The following PTPRG variants were observed in gnomAD, a reference collection of about 807,000 sequenced individuals.
PTPRG encodes protein tyrosine phosphatase receptor type G, also known as receptor-type tyrosine-protein phosphatase gamma.
Under a neutral mutation model 165.3 loss-of-function variants are expected in PTPRG, and 102 were observed. The ratio of observed to expected loss-of-function variants is 0.62; its 90% CI spans 0.53 to 0.73. PTPRG has a LOEUF of 0.73. PTPRG is among the 30% of genes least tolerant of loss of function. The probability of loss-of-function intolerance (pLI) is 0.00; values close to 1 mark genes in which losing one functional copy is unlikely to be tolerated. For missense variants in PTPRG, 1,866 were observed against 1,861.4 expected (o/e 1.00, Z -0.05); for synonymous variants, 675 against 669.5 (o/e 1.01, Z -0.13).
intron 2 of PTPRG, among the ~76,000 whole-genome samples, chr3:61,814,494 G>C (rs116074614): frequency 0.048 from 7,233 of 152,014 alleles, 220 homozygotes; most frequent in Middle Eastern, 0.092. Flanking sequence ...CTGTAGTTCA[G>C]CTTCTCTCTA....
At chr3:62,141,359 T>G (rs1187273513) in intron 6 of PTPRG, among the ~76,000 whole-genome samples, 2 of 137,718 alleles carry the variant, frequency 1.5e-5, no homozygotes, top group African/African-American at 5.0e-5. Flanking sequence ...TGAGCAACTT[T>G]GGAGCCGAGG....
intron 2 of PTPRG, among the ~76,000 whole-genome samples, chr3:61,916,060 G>A (rs1421487558): frequency 6.6e-6 from 1 of 152,170 alleles, no homozygotes. Context: ...TATTAAATTA[G>A]ATATGAATCT....
chr3:61,610,172 A>G (rs757857889), intron 1 of PTPRG, among the ~76,000 whole-genome samples: 1 of 151,534 alleles, frequency 6.6e-6, no homozygotes, highest in Non-Finnish European at 1.5e-5. Flanking sequence ...AATGAGAGCA[A>G]TTATAGTACA....
At chr3:62,177,622 CA>C (rs150566366) in intron 8 of PTPRG, among the ~76,000 whole-genome samples, 1,729 of 152,302 alleles carry the variant, frequency 0.011, 13 homozygotes, top group Middle Eastern at 0.037. Context: ...TCCCCCTCTC[CA>C]GCCCCGTCTT....
In PTPRG at chr3:62,282,877, T is replaced by C; in HGVS notation, c.4055+8T>C. 1 of 1,587,078 alleles carries C rather than the reference T, an allele frequency of 6.3e-7. No individual in the cohort carries two copies. ...CACCATTGTTCATGATGAGTATGTA[T>C]CTGTTTCTTAATTTTAAAATGTAGA... On this transcript the variant is annotated splice_region_variant and intron_variant, in intron 28 of 29. Coordinates refer to ENST00000474889, the MANE Select transcript of PTPRG (RefSeq NM_002841.4).
intron 2 of PTPRG, among the ~76,000 whole-genome samples, chr3:61,956,934 T>G (rs1194437927): frequency 6.6e-6 from 1 of 152,226 alleles, no homozygotes; most frequent in African/African-American, 2.4e-5. Context: ...TCTCTGTGCT[T>G]TGCCTCTTTT....
chr3:61,774,732 A>G (rs942591974), intron 2 of PTPRG, among the ~76,000 whole-genome samples: 3 of 152,198 alleles, frequency 2.0e-5, no homozygotes, highest in African/African-American at 4.8e-5. Context: ...GCAGGGAGTG[A>G]AGGATGCTTG....
intron 1 of PTPRG, among the ~76,000 whole-genome samples, chr3:61,608,444 G>A (rs993277671): frequency 1.3e-5 from 2 of 152,194 alleles, no homozygotes; most frequent in Non-Finnish European, 2.9e-5. Context: ...TCCGTGGAGA[G>A]CTGCATCTTT....
intron 2 of PTPRG, among the ~76,000 whole-genome samples, chr3:61,821,563 A>C (rs1038436485): frequency 6.6e-6 from 1 of 152,314 alleles, no homozygotes; most frequent in East Asian, 1.9e-4. Context: ...TTTGCATGCC[A>C]GAGAACTGAG....
intron 5 of PTPRG, among the ~76,000 whole-genome samples, chr3:62,121,641 A>G (rs1278799364): frequency 2.6e-5 from 4 of 152,150 alleles, no homozygotes; most frequent in African/African-American, 4.8e-5. Flanking sequence ...GTTACTGTCA[A>G]TGGCAGTTTT....
At chr3:61,609,797 T>A (rs1446515019) in intron 1 of PTPRG, among the ~76,000 whole-genome samples, 1 of 152,024 alleles carries the variant, frequency 6.6e-6, no homozygotes, top group Non-Finnish European at 1.5e-5. Flanking sequence ...AAGCCCAGGT[T>A]GCGGTGACTG....
At chr3:62,000,138 A>G (rs1051310139) in intron 3 of PTPRG, among the ~76,000 whole-genome samples, 1 of 152,100 alleles carries the variant, frequency 6.6e-6, no homozygotes, top group Non-Finnish European at 1.5e-5. Context: ...CCCTGTCTCT[A>G]CTAAAAATAC....
chr3:61,653,406 C>T (rs909290918), intron 1 of PTPRG, among the ~76,000 whole-genome samples: 2 of 152,072 alleles, frequency 1.3e-5, no homozygotes, highest in African/African-American at 4.8e-5. Flanking sequence ...AGTGATCCTC[C>T]ATAAATGGGC....
At chr3:62,038,058 G>A (rs978565690) in intron 4 of PTPRG, among the ~76,000 whole-genome samples, 1 of 152,138 alleles carries the variant, frequency 6.6e-6, no homozygotes, top group African/African-American at 2.4e-5. Flanking sequence ...AGTCAAATAG[G>A]CCAGAGCTGG....
rs116300781 is a variant in PTPRG, at chr3:62,138,398, C to A, written c.682+5730C>A. Among the ~76,000 whole-genome samples the A allele has an allele frequency of 4.7e-3, 709 of 152,250 alleles. 4 individuals are homozygous for A. The highest frequency in any genetic ancestry group is 0.015 in the African/African-American group (614 of 41,552). On this transcript the variant is annotated intron_variant, in intron 6 of 29. Coordinates refer to ENST00000474889, the MANE Select transcript of PTPRG (RefSeq NM_002841.4). Reference sequence around the variant, plus strand: ...TTTTGCACCAACCTATTTGCATCAACAATTTTACCTAACTGGTCCATGTTA... The same window carrying A: ...TTTTGCACCAACCTATTTGCATCAAAAATTTTACCTAACTGGTCCATGTTA...
intron 2 of PTPRG, among the ~76,000 whole-genome samples, chr3:61,825,841 A>G (rs1167015119): frequency 1.3e-5 from 2 of 152,086 alleles, no homozygotes; most frequent in Non-Finnish European, 2.9e-5. Flanking sequence ...GGTAGAAATG[A>G]GGTTATGCTA....
At chr3:61,880,472 T>G (rs1403764372) in intron 2 of PTPRG, among the ~76,000 whole-genome samples, 1 of 151,940 alleles carries the variant, frequency 6.6e-6, no homozygotes, top group Admixed American at 6.6e-5. Context: ...ATACAAAAAT[T>G]AGCTGGGTGT....
intron 1 of PTPRG, among the ~76,000 whole-genome samples, chr3:61,706,026 C>A (rs1199218452): frequency 6.6e-6 from 1 of 152,168 alleles, no homozygotes; most frequent in African/African-American, 2.4e-5. Context: ...AAGAGCAAGT[C>A]CCCCAAGTGT....
At chr3:61,801,132 C>A (rs1039515426) in intron 2 of PTPRG, among the ~76,000 whole-genome samples, 1 of 152,116 alleles carries the variant, frequency 6.6e-6, no homozygotes, top group Non-Finnish European at 1.5e-5. Context: ...GATGCACTGG[C>A]AGCCCAGGGG....
Sources: gnomAD v4.1 joint callset for allele counts (sites outside exome capture counted in the v4.1 genomes callset) on GRCh38, gnomAD v4.1.1 for gene constraint, MANE v1.5 for transcripts, NCBI Gene and HGNC (gene_info 2026-07-23, HGNC 2026-07-21) for gene names.